The following GON4L variants were observed in gnomAD, a reference collection of about 807,000 sequenced individuals.
The protein encoded by GON4L is gon-4 like.
In GON4L, 87 loss-of-function variants were observed where a neutral mutation model predicts 211.8. The ratio of observed to expected loss-of-function variants is 0.41; its 90% CI spans 0.35 to 0.49. The LOEUF (loss-of-function observed/expected upper bound fraction) is 0.49, where lower values mean the gene tolerates loss of function less well. Ranked by LOEUF, GON4L falls within the 20% of genes least tolerant of loss-of-function variation. The pLI, the probability that GON4L is intolerant of heterozygous loss-of-function variation, is 0.15. For synonymous variants in GON4L, 875 were observed against 962.6 expected (o/e 0.91, Z 1.68); for missense variants, 2,155 against 2,659.5 (o/e 0.81, Z 4.17).
chr1:155,791,706 A>G (rs1447228922), intron 12 of GON4L, among the ~76,000 whole-genome samples: 1 of 151,870 alleles, frequency 6.6e-6, no homozygotes, highest in East Asian at 1.9e-4. Flanking sequence ...CGTCTCTACT[A>G]AAAATACAAA....
At chr1:155,806,983 C>T (rs957057005) in intron 10 of GON4L, among the ~76,000 whole-genome samples, 3 of 151,078 alleles carry the variant, frequency 2.0e-5, no homozygotes, top group African/African-American at 7.3e-5. Flanking sequence ...ATTGTAGTCC[C>T]AGCTACTTAG....
At chr1:155,836,555 TG>T (rs1197629180) in intron 2 of GON4L, among the ~76,000 whole-genome samples, 1 of 152,122 alleles carries the variant, frequency 6.6e-6, no homozygotes, top group African/African-American at 2.4e-5. Flanking sequence ...GCCGATGTGG[TG>T]TTCTTTAACT....
chr1:155,835,005 T>G (rs1055578472), intron 2 of GON4L, among the ~76,000 whole-genome samples: 21 of 152,158 alleles, frequency 1.4e-4, no homozygotes, highest in Admixed American at 8.5e-4. Flanking sequence ...GAACGGGCCA[T>G]GATGACAATG....
At chr1:155,759,543 C>T (rs1661547602) in intron 24 of GON4L, among the ~76,000 whole-genome samples, 2 of 151,688 alleles carry the variant, frequency 1.3e-5, no homozygotes. Context: ...CACTGCACTC[C>T]AGCCTGGGCA....
chr1:155,763,631 G>C, intron 21 of GON4L, 67 bp from the exon 22 acceptor site: 2 of 1,318,694 alleles, frequency 1.5e-6, no homozygotes, highest in Admixed American at 2.5e-5. Context: ...ACAACACAAA[G>C]CTATATCAGG....
At chr1:155,760,343 G>T in intron 24 of GON4L, 101 bp downstream of exon 24, 1 of 708,754 alleles carries the variant, frequency 1.4e-6, no homozygotes, top group Non-Finnish European at 2.4e-6. Context: ...TGTGTGTCTG[G>T]AAGGAGCTGG....
downstream of GON4L, among the ~76,000 whole-genome samples, chr1:155,749,136 C>G (rs1410501260): frequency 6.6e-6 from 1 of 152,098 alleles, no homozygotes; most frequent in Non-Finnish European, 1.5e-5. Flanking sequence ...CCTGCAATCC[C>G]AGCTACTTGG....
At chr1:155,777,946 T>C (rs1664001969) in intron 14 of GON4L, 126 bp from the exon 15 acceptor site, 6 of 715,842 alleles carry the variant, frequency 8.4e-6, no homozygotes, top group Non-Finnish European at 1.5e-5. Context: ...CATCTCACTT[T>C]AGCCAACAGT....
intron 17 of GON4L, chr1:155,773,561 A>G: frequency 8.5e-6 from 2 of 234,076 alleles, no homozygotes; most frequent in South Asian, 1.2e-4. Context: ...GAAGGATAAG[A>G]GACCTTCAAC....
intron 12 of GON4L, among the ~76,000 whole-genome samples, chr1:155,794,121 G>A (rs1371301452): frequency 6.6e-6 from 1 of 151,870 alleles, no homozygotes; most frequent in Non-Finnish European, 1.5e-5. Flanking sequence ...GCCCAGGCTG[G>A]AGTGCATTGG....
Position 155,765,793 on chromosome 1 carries a change from A to T in GON4L, c.3680T>A (p.Val1227Glu), listed in dbSNP as rs184457803. The T allele has an allele frequency of 4.4e-4, 718 of 1,614,226 alleles. 7 individuals carry two copies. The highest frequency in any genetic ancestry group is 8.3e-5 in the Non-Finnish European group (98 of 1,180,038). Residue 1227 changes from valine to glutamate, a missense_variant, in exon 21 of 32, where the codon GTG becomes GAG. Coordinates refer to ENST00000368331, the MANE Select transcript of GON4L (RefSeq NM_001282860.2). ...IPSTPEDKAHVNVDIACAVAD... is the reference protein window; with the variant it reads ...IPSTPEDKAHENVDIACAVAD... ...CACAGCACAAGCAATGTCCACATTC[A>T]CGTGGGCCTTATCTTCAGGGGTGGA...
At chr1:155,753,144 G>T in intron 29 of GON4L, 60 bp downstream of exon 29, 3 of 1,304,196 alleles carry the variant, frequency 2.3e-6, no homozygotes, top group Non-Finnish European at 3.3e-6. Flanking sequence ...GGAGGTTCCT[G>T]TCTGGAGTAC....
At chr1:155,780,473 A>G (rs1009436571) in intron 14 of GON4L, among the ~76,000 whole-genome samples, 1 of 151,980 alleles carries the variant, frequency 6.6e-6, no homozygotes, top group Non-Finnish European at 1.5e-5. Context: ...CGTGCCTGTA[A>G]TCCCAGCTAC....
intron 11 of GON4L, among the ~76,000 whole-genome samples, chr1:155,803,069 G>T (rs745626038): frequency 2.6e-5 from 4 of 152,120 alleles, no homozygotes; most frequent in Non-Finnish European, 5.9e-5. Context: ...ATCCCTCACA[G>T]ATTCTAGCAC....
Position 155,765,568 on chromosome 1 carries a change from A to G in GON4L, c.3905T>C (p.Leu1302Pro). 6.2e-7 allele frequency: 1 copy of G among 1,614,176 alleles called. No homozygotes were observed. Among genetic ancestry groups the G allele is most frequent in the Non-Finnish European group, 8.5e-7 (1 of 1,180,044 alleles). ...VVKTEEGRQA[L>P]EPLPQGIQES... ...CTGGATGCCCTGAGGGAGCGGCTCC[A>G]GAGCTTGCCTCCCCTCCTCTGTTTT... The change falls in exon 21 of 32, where the codon CTG becomes CCG. Residue 1302 changes from leucine (L) to proline (P), a missense_variant. Physicochemically the swap from Leu to Pro is moderately conservative, Grantham distance 98. Around this residue, in one of 6 missense-constraint regions of GON4L, gnomAD observed 615 missense variants for 625.7 expected, o/e 0.98. Transcript: ENST00000368331.
At chr1:155,820,546 G>T (rs546162535) in intron 6 of GON4L, 60 bp downstream of exon 6, 3 of 1,115,684 alleles carry the variant, frequency 2.7e-6, no homozygotes, top group East Asian at 2.3e-5. Flanking sequence ...CCCTATGGGT[G>T]AATTAGATCC....
chr1:155,788,748 A>G (rs1665205899), intron 12 of GON4L, among the ~76,000 whole-genome samples: 1 of 152,136 alleles, frequency 6.6e-6, no homozygotes, highest in South Asian at 2.1e-4. Context: ...CACATCCTAT[A>G]TGATTCCATT....
chr1:155,776,547 ATC>A, intron 15 of GON4L, 66 bp from the exon 16 acceptor site: 1 of 1,133,942 alleles, frequency 8.8e-7, no homozygotes, highest in East Asian at 2.6e-5. Context: ...ATCCAGAGAG[ATC>A]TTTTTTTTTT....
In GON4L at chr1:155,764,858, T is replaced by C. The variant is rs376100337; in HGVS notation, c.4473+142A>G. The C allele has an allele frequency of 5.1e-6, 8 of 1,564,734 alleles. No individual in the cohort carries two copies. In the African/African-American group the frequency reaches 1.1e-4, roughly 21 times the overall value. Reference sequence around the variant, plus strand: ...ATCTCATTTCACCTCAACTCCACAATCATGTCCCATAATGCATTCACAAAT... The same window carrying C: ...ATCTCATTTCACCTCAACTCCACAACCATGTCCCATAATGCATTCACAAAT... On this transcript the variant is annotated intron_variant, in intron 21 of 31. Coordinates refer to ENST00000368331, the MANE Select transcript of GON4L (RefSeq NM_001282860.2).
Sources: allele counts gnomAD v4.1 joint callset (sites outside exome capture counted in the v4.1 genomes callset), GRCh38; gene constraint gnomAD v4.1.1; regional missense constraint gnomAD v4.1.1; transcripts MANE v1.5; gene names NCBI Gene and HGNC (gene_info 2026-07-23, HGNC 2026-07-21).